Variants in LRRTM4 observed in about 807,000 individuals in gnomAD.
The protein encoded by LRRTM4 is leucine-rich repeat transmembrane neuronal protein 4.
A neutral mutation model predicts 47.6 loss-of-function variants in LRRTM4; 25 were observed. The observed-to-expected ratio is 0.53, with a 90% CI of 0.38 to 0.73. LRRTM4 has a LOEUF of 0.73. Ranked by LOEUF, LRRTM4 falls within the 30% of genes least tolerant of loss-of-function variation. LRRTM4 has a pLI of 0.00. For missense variants in LRRTM4, 638 were observed against 713.4 expected, an observed-to-expected ratio of 0.89 and a Z score of 1.20; for synonymous variants, 311 against 269.5, an observed-to-expected ratio of 1.15 and a Z score of -1.51.
intron 3 of LRRTM4, among the ~76,000 whole-genome samples, chr2:77,356,314 G>T (rs1671967196): frequency 6.6e-6 from 1 of 152,062 alleles, no homozygotes; most frequent in Non-Finnish European, 1.5e-5. Context: ...AGTAACCCAG[G>T]CTTGACGTTG....
chr2:76,755,572 A>G (rs1672999434), intron 3 of LRRTM4, among the ~76,000 whole-genome samples: 2 of 152,164 alleles, frequency 1.3e-5, no homozygotes, highest in Non-Finnish European at 2.9e-5. Context: ...CGATGCAGCT[A>G]TAGAAAAAAC....
chr2:77,415,746 G>C (rs1033416229), intron 3 of LRRTM4, among the ~76,000 whole-genome samples: 2 of 151,664 alleles, frequency 1.3e-5, no homozygotes, highest in Non-Finnish European at 2.9e-5. Context: ...TCTATATTTT[G>C]TACTATGGCT....
intron 3 of LRRTM4, among the ~76,000 whole-genome samples, chr2:77,481,869 T>G (rs1315954332): frequency 9.5e-5 from 5 of 52,848 alleles, no homozygotes; most frequent in African/African-American, 1.9e-4. Context: ...GAGTGAAGGG[T>G]TTTTTTTTTT....
At chr2:77,258,138 C>T (rs141231448) in intron 3 of LRRTM4, among the ~76,000 whole-genome samples, 918 of 151,128 alleles carry the variant, frequency 6.1e-3, no homozygotes, top group Non-Finnish European at 0.01. Context: ...AAAAAGACTA[C>T]GAAGAAACAC....
At chr2:77,312,357 G>C (rs1573235062) in intron 3 of LRRTM4, among the ~76,000 whole-genome samples, 1 of 151,970 alleles carries the variant, frequency 6.6e-6, no homozygotes, top group Non-Finnish European at 1.5e-5. Context: ...ATCCTATTTA[G>C]TTGTATCAAC....
intron 3 of LRRTM4, among the ~76,000 whole-genome samples, chr2:76,789,775 TCACAGAGAA>T (rs1399791612): frequency 6.6e-6 from 1 of 152,176 alleles, no homozygotes; most frequent in African/African-American, 2.4e-5. Flanking sequence ...GAGATGGAAG[TCACAGAGAA>T]CAAAGGCATG....
intron 3 of LRRTM4, among the ~76,000 whole-genome samples, chr2:77,331,777 G>T (rs920136081): frequency 2.0e-5 from 3 of 152,014 alleles, no homozygotes; most frequent in African/African-American, 7.3e-5. Flanking sequence ...CACTTTAATA[G>T]CAGTTGATAC....
intron 3 of LRRTM4, among the ~76,000 whole-genome samples, chr2:77,242,317 T>C (rs1166467909): frequency 2.0e-5 from 3 of 152,026 alleles, no homozygotes; most frequent in African/African-American, 7.2e-5. Flanking sequence ...AATAAGTAAA[T>C]TGAATTACAT....
chr2:76,807,118 A>G (rs1385946317), intron 3 of LRRTM4, among the ~76,000 whole-genome samples: 3 of 152,038 alleles, frequency 2.0e-5, no homozygotes, highest in African/African-American at 4.8e-5. Context: ...ACCTACCCCA[A>G]TATGGAACTA....
intron 3 of LRRTM4, among the ~76,000 whole-genome samples, chr2:76,966,094 G>A (rs1011112375): frequency 4.6e-5 from 7 of 151,436 alleles, no homozygotes; most frequent in Admixed American, 6.6e-5. Flanking sequence ...ATAGACAAAG[G>A]ATTTTAAAGC....
chr2:77,217,397 T>C (rs1468785688), intron 3 of LRRTM4, among the ~76,000 whole-genome samples: 3 of 54,678 alleles, frequency 5.5e-5, no homozygotes, highest in East Asian at 9.8e-4. Flanking sequence ...TAATTAATTA[T>C]ATTAATTAAT....
chr2:77,203,187 C>A (rs183367649), intron 3 of LRRTM4, among the ~76,000 whole-genome samples: 331 of 151,896 alleles, frequency 2.2e-3, no homozygotes, highest in African/African-American at 7.6e-3. Flanking sequence ...TGAACATTTA[C>A]TTTTTTACCC....
chr2:76,773,090 C>T (rs1673783596), intron 3 of LRRTM4: 1 of 152,188 alleles, frequency 6.6e-6, no homozygotes, highest in African/African-American at 2.4e-5. Context: ...TTCCCTAACT[C>T]TTGCCAATTT....
chr2:77,459,101 AT>A (rs1486890356), intron 3 of LRRTM4, among the ~76,000 whole-genome samples: 1 of 152,112 alleles, frequency 6.6e-6, no homozygotes, highest in Non-Finnish European at 1.5e-5. Flanking sequence ...TCAGACATTC[AT>A]TTTTGTCCAA....
chr2:76,962,664 T>C (rs1209270845), intron 3 of LRRTM4, among the ~76,000 whole-genome samples: 1 of 150,552 alleles, frequency 6.6e-6, no homozygotes. Flanking sequence ...GTAATATAAT[T>C]GCAAATTTTG....
chr2:77,373,622 AT>A (rs1672728829), intron 3 of LRRTM4, among the ~76,000 whole-genome samples: 1 of 151,834 alleles, frequency 6.6e-6, no homozygotes. Context: ...AACATGGGAT[AT>A]CAAAAATAGG....
intron 3 of LRRTM4, among the ~76,000 whole-genome samples, chr2:77,091,021 G>T (rs1348626133): frequency 2.0e-5 from 3 of 152,120 alleles, no homozygotes; most frequent in African/African-American, 7.2e-5. Flanking sequence ...TGTGGGTATT[G>T]ACGGCCAGGC....
At chr2:77,214,748 G>A (rs1047104075) in intron 3 of LRRTM4, among the ~76,000 whole-genome samples, 1 of 150,822 alleles carries the variant, frequency 6.6e-6, no homozygotes, top group South Asian at 2.1e-4. Context: ...ATCATCTCCA[G>A]CCATCTGTTA....
chr2:76,831,326 G>GGT (rs919931675), intron 3 of LRRTM4, among the ~76,000 whole-genome samples: 2 of 152,062 alleles, frequency 1.3e-5, no homozygotes, highest in Admixed American at 6.6e-5. Flanking sequence ...TAGCTTCATT[G>GGT]GTGTGTGTGC....
Sources: allele counts gnomAD v4.1 joint callset (sites outside exome capture counted in the v4.1 genomes callset), GRCh38; gene constraint gnomAD v4.1.1; transcripts MANE v1.5; gene names NCBI Gene and HGNC (gene_info 2026-07-23, HGNC 2026-07-21).